The following GLIS3 variants were observed in gnomAD, a reference collection of about 807,000 sequenced individuals.
The protein encoded by GLIS3 is GLIS family zinc finger 3, also known as zinc finger protein GLIS3.
A neutral mutation model predicts 78.6 loss-of-function variants in GLIS3; 53 were observed. That is an observed-to-expected ratio of 0.67 (90% CI 0.54 to 0.85). The LOEUF (loss-of-function observed/expected upper bound fraction) is 0.85. GLIS3 is among the 40% of genes least tolerant of loss of function. The pLI is 0.00. For missense variants in GLIS3, 1,703 were observed against 1,231.1 expected (o/e 1.38, Z -5.74); for synonymous variants, 684 against 509.9 (o/e 1.34, Z -4.60).
At chr9:4,271,181 G>A (rs557226834) in intron 2 of GLIS3, among the ~76,000 whole-genome samples, 38 of 152,138 alleles carry the variant, frequency 2.5e-4, no homozygotes, top group South Asian at 2.5e-3. Flanking sequence ...ATATAGAAAC[G>A]GGGGCAGGAA....
intron 1 of GLIS3, among the ~76,000 whole-genome samples, chr9:4,298,010 G>A (rs537547995): frequency 6.6e-6 from 1 of 152,236 alleles, no homozygotes; most frequent in East Asian, 1.9e-4. Flanking sequence ...TCACTCCCCC[G>A]CCGCCTCCGC....
At position 4,238,384 on chromosome 9, in the gene GLIS3, T is replaced by C. The variant is rs139760719; in HGVS notation, c.388+47654A>G. ...GACCGTGAATATACTCCATTCTATT[T>C]GAGAATGAGAGAGTCTACCCACATG... On this transcript the variant is annotated intron_variant, in intron 2 of 10. Coordinates refer to ENST00000381971, the MANE Select transcript of GLIS3 (RefSeq NM_001042413.2). Among the ~76,000 whole-genome samples the C allele has an allele frequency of 8.0e-3, 1,219 of 152,292 alleles. 8 individuals are homozygous for C. The highest frequency in any genetic ancestry group is 0.031 in the Middle Eastern group (9 of 294).
intron 4 of GLIS3, among the ~76,000 whole-genome samples, chr9:4,030,730 T>C (rs767250601): frequency 6.6e-6 from 1 of 152,212 alleles, no homozygotes; most frequent in Non-Finnish European, 1.5e-5. Context: ...TCCCTCTTGA[T>C]GGCATGACTG....
At chr9:4,424,515 T>G in the GLIS3 span, among the ~76,000 whole-genome samples, 47 of 152,342 alleles carry the variant, frequency 3.1e-4, 1 homozygote, top group East Asian at 8.3e-3. Flanking sequence ...ACTTGATTAT[T>G]GCAACATTCA....
At chr9:4,480,531 G>A in the GLIS3 span, among the ~76,000 whole-genome samples, 3 of 151,934 alleles carry the variant, frequency 2.0e-5, no homozygotes, top group African/African-American at 4.8e-5. Flanking sequence ...AAGAAATGGA[G>A]GAATATGGCA....
intron 4 of GLIS3, among the ~76,000 whole-genome samples, chr9:4,050,341 G>A (rs527858959): frequency 4.3e-4 from 65 of 152,146 alleles, no homozygotes; most frequent in Non-Finnish European, 6.5e-4. Context: ...GTAAACTATC[G>A]CAAGGACAGA....
intron 4 of GLIS3, among the ~76,000 whole-genome samples, chr9:4,003,693 T>C (rs528929713): frequency 6.6e-6 from 1 of 152,332 alleles, no homozygotes; most frequent in Non-Finnish European, 1.5e-5. Context: ...CTTCATTCAC[T>C]GGTTCCAAAT....
At chr9:4,418,575 T>C in the GLIS3 span, among the ~76,000 whole-genome samples, 1 of 152,130 alleles carries the variant, frequency 6.6e-6, no homozygotes, top group South Asian at 2.1e-4. Context: ...GGCAGGTGCC[T>C]GTAATCCCAG....
intron 3 of GLIS3, among the ~76,000 whole-genome samples, chr9:4,124,946 C>T (rs1214893108): frequency 6.6e-6 from 1 of 152,198 alleles, no homozygotes; most frequent in African/African-American, 2.4e-5. Context: ...AACATAGACA[C>T]AGACCTTAAA....
the GLIS3 span, among the ~76,000 whole-genome samples, chr9:4,385,416 C>T: frequency 6.6e-6 from 1 of 152,182 alleles, no homozygotes; most frequent in Non-Finnish European, 1.5e-5. Context: ...ATAATCCCAA[C>T]ACTGTGGGAG....
Position 3,842,375 on chromosome 9 carries a change from C to T in GLIS3, c.2474-12883G>A, listed in dbSNP as rs184404846. Among the ~76,000 whole-genome samples the T allele has an allele frequency of 5.8e-3, 876 of 152,122 alleles. 6 individuals carry two copies. The highest frequency in any genetic ancestry group is 7.8e-3 in the Non-Finnish European group (527 of 67,984). On this transcript the variant is annotated intron_variant, in intron 9 of 10. Transcript: ENST00000381971. ...TAATCCCAGCTACTCGGCAGGCTGA[C>T]GCAGAAGAATTGCTTGAACCTGGGA... is the stretch of plus-strand genomic sequence containing the variant.
intron 4 of GLIS3, among the ~76,000 whole-genome samples, chr9:3,996,136 C>A (rs537073853): frequency 6.6e-6 from 1 of 152,230 alleles, no homozygotes; most frequent in Admixed American, 6.5e-5. Context: ...TGAGAAGTAA[C>A]TGTCTATCAA....
chr9:4,167,034 C>G (rs921333918), intron 2 of GLIS3, among the ~76,000 whole-genome samples: 1 of 151,948 alleles, frequency 6.6e-6, no homozygotes, highest in Non-Finnish European at 1.5e-5. Context: ...GACAGACGAA[C>G]AAAACATTGA....
chr9:4,241,383 A>G (rs750838115), intron 2 of GLIS3, among the ~76,000 whole-genome samples: 1 of 152,172 alleles, frequency 6.6e-6, no homozygotes, highest in Non-Finnish European at 1.5e-5. Context: ...AATAAGACCT[A>G]GTGTTTGATA....
intron 2 of GLIS3, among the ~76,000 whole-genome samples, chr9:4,260,988 A>C (rs1371831880): frequency 6.6e-6 from 1 of 152,208 alleles, no homozygotes; most frequent in African/African-American, 2.4e-5. Flanking sequence ...CATGGCTCAC[A>C]TTTGTGGCTG....
At chr9:4,106,059 G>T (rs1362987163) in intron 4 of GLIS3, among the ~76,000 whole-genome samples, 1 of 152,136 alleles carries the variant, frequency 6.6e-6, no homozygotes, top group Admixed American at 6.5e-5. Context: ...GAAACAAACG[G>T]CACCTGTCCC....
intron 4 of GLIS3, among the ~76,000 whole-genome samples, chr9:4,061,376 T>C (rs770796000): frequency 5.9e-5 from 9 of 152,040 alleles, no homozygotes; most frequent in Non-Finnish European, 8.8e-5. Flanking sequence ...TCATCCATGT[T>C]CCTACAAAAC....
intron 4 of GLIS3, among the ~76,000 whole-genome samples, chr9:4,057,884 A>T (rs1536469): frequency 0.65 from 99,236 of 152,006 alleles, 33,014 homozygotes; most frequent in East Asian, 0.95. Flanking sequence ...GGCCTCGCTA[A>T]GAACCTTGAT....
chr9:4,477,253 C>T, the GLIS3 span, among the ~76,000 whole-genome samples: 4 of 151,972 alleles, frequency 2.6e-5, no homozygotes, highest in South Asian at 2.1e-4. Flanking sequence ...AATTCTGACA[C>T]GAGTTTCAAC....
Sources: gnomAD v4.1 joint callset for allele counts (sites outside exome capture counted in the v4.1 genomes callset) on GRCh38, gnomAD v4.1.1 for gene constraint, MANE v1.5 for transcripts, NCBI Gene and HGNC (gene_info 2026-07-23, HGNC 2026-07-21) for gene names.